The following INPP5B variants were observed in gnomAD, a reference collection of about 807,000 sequenced individuals.
The protein encoded by INPP5B is inositol polyphosphate-5-phosphatase B.
A neutral mutation model predicts 118.5 loss-of-function variants in INPP5B; 90 were observed. The ratio of observed to expected loss-of-function variants is 0.76; its 90% CI spans 0.64 to 0.90. The LOEUF is 0.90. Ranked by LOEUF, INPP5B falls within the 40% of genes least tolerant of loss-of-function variation. INPP5B has a pLI of 0.00. For missense variants in INPP5B, 984 were observed against 1,125.6 expected (o/e 0.87, Z 1.80); for synonymous variants, 385 against 418.9 (o/e 0.92, Z 0.99).
chr1:37,879,366 CTT>C (rs1371426994), intron 15 of INPP5B, among the ~76,000 whole-genome samples: 2 of 151,826 alleles, frequency 1.3e-5, no homozygotes, highest in Non-Finnish European at 2.9e-5. Flanking sequence ...TTGGGGGCCT[CTT>C]TAATTTTTCT....
chr1:37,928,590 G>C (rs1315221337), intron 7 of INPP5B: 2 of 152,280 alleles, frequency 1.3e-5, no homozygotes, highest in African/African-American at 2.4e-5. Flanking sequence ...TTGATCTCCT[G>C]ACCTTGTGAT....
intron 6 of INPP5B, among the ~76,000 whole-genome samples, chr1:37,935,178 G>A (rs1333721931): frequency 1.8e-5 from 2 of 113,828 alleles, no homozygotes; most frequent in Non-Finnish European, 3.5e-5. Flanking sequence ...TCCAGTCCGG[G>A]CGACAGAGCC....
intron 20 of INPP5B, 108 bp from the exon 21 acceptor site, chr1:37,866,651 A>G: frequency 1.4e-6 from 1 of 704,714 alleles, no homozygotes; most frequent in Non-Finnish European, 2.5e-6. Flanking sequence ...CAGTGTGGTG[A>G]GGCCTCTGAA....
chr1:37,864,656 C>T, intron 22 of INPP5B: 1 of 335,436 alleles, frequency 3.0e-6, no homozygotes, highest in Non-Finnish European at 5.5e-6. Flanking sequence ...AGAAATAAGA[C>T]ATTTTAGTTG....
intron 7 of INPP5B, among the ~76,000 whole-genome samples, chr1:37,905,987 C>T (rs1644490217): frequency 6.6e-6 from 1 of 152,166 alleles, no homozygotes; most frequent in Admixed American, 6.5e-5. Flanking sequence ...CCTAATTTCT[C>T]AGAATTTGGA....
At chr1:37,890,491 C>T (rs1643781051) in intron 8 of INPP5B, among the ~76,000 whole-genome samples, 1 of 152,164 alleles carries the variant, frequency 6.6e-6, no homozygotes, top group African/African-American at 2.4e-5. Flanking sequence ...TTGCATTGTA[C>T]TGTATTTATA....
chr1:37,866,699 A>T (rs1459545303), intron 20 of INPP5B, among the ~76,000 whole-genome samples, 156 bp from the exon 21 acceptor site: 2 of 152,174 alleles, frequency 1.3e-5, no homozygotes, highest in Non-Finnish European at 2.9e-5. Context: ...TGATGTGGCG[A>T]ATTCATCTTG....
intron 7 of INPP5B, among the ~76,000 whole-genome samples, chr1:37,911,887 G>C (rs753037798): frequency 2.0e-5 from 3 of 152,220 alleles, no homozygotes; most frequent in Non-Finnish European, 4.4e-5. Flanking sequence ...GGTAGTTAAA[G>C]AAGCAGCTAG....
At position 37,862,093 on chromosome 1, in the gene INPP5B, T is replaced by C. The variant is rs1204529152; in HGVS notation, c.*222A>G. The C allele has an allele frequency of 2.2e-6, 1 of 455,692 alleles. No homozygotes were observed. The allele number at this position is 455,692 out of a possible 1,614,324, so 28.2% of individuals were successfully genotyped here. A position where few individuals can be genotyped will look rare whatever the true frequency, so the allele number is the denominator to read the frequency against. On this transcript the variant is annotated 3_prime_UTR_variant, in exon 24 of 24. Transcript: ENST00000373024. ...GTGTTAAATAACTAAAGTTGAAAAT[T>C]GAATGTCAGTTTTATTATGGTGGAT...
chr1:37,875,964 T>C (rs540579964), intron 16 of INPP5B, among the ~76,000 whole-genome samples: 1 of 152,364 alleles, frequency 6.6e-6, no homozygotes, highest in Admixed American at 6.5e-5. Context: ...AAAGCATGGT[T>C]AGCAGTTAGT....
rs140260835 is a variant in INPP5B, at chr1:37,866,197, G to A, written c.2386+262C>T. On this transcript the variant is annotated intron_variant, in intron 21 of 23. Coordinates refer to ENST00000373024, the MANE Select transcript of INPP5B (RefSeq NM_005540.3). Reference sequence around the variant, plus strand: ...TGCACCTGTGGTCCCAGCTACTCGGGAGGCTGAGGTGGGAGGCTCCACAGG... The same window carrying A: ...TGCACCTGTGGTCCCAGCTACTCGGAAGGCTGAGGTGGGAGGCTCCACAGG... Among the ~76,000 whole-genome samples, 229 of 152,298 alleles carry A rather than the reference G, an allele frequency of 1.5e-3. 2 individuals carry two copies. Among genetic ancestry groups the A allele is most frequent in the African/African-American group, 5.2e-3 (215 of 41,568 alleles).
At chr1:37,896,597 T>C (rs1417787054) in intron 7 of INPP5B, among the ~76,000 whole-genome samples, 1 of 114,838 alleles carries the variant, frequency 8.7e-6, no homozygotes, top group Non-Finnish European at 1.8e-5. Context: ...GGGAAGGAGG[T>C]GGGGGGGTCA....
chr1:37,931,522 C>T, intron 7 of INPP5B: 1 of 1,535,662 alleles, frequency 6.5e-7, no homozygotes, highest in Non-Finnish European at 8.7e-7. Context: ...GAACTTCTGC[C>T]CCAGTGTCCC....
At chr1:37,931,479 C>A in intron 7 of INPP5B, 2 of 1,533,464 alleles carry the variant, frequency 1.3e-6, no homozygotes, top group Non-Finnish European at 1.7e-6. Context: ...CACCCGCCTA[C>A]CCTCGTCACG....
chr1:37,886,016 A>G (rs539800783), intron 12 of INPP5B, among the ~76,000 whole-genome samples, 191 bp from the exon 13 acceptor site: 60 of 152,000 alleles, frequency 3.9e-4, no homozygotes, highest in Non-Finnish European at 6.5e-4. Flanking sequence ...CGTCTCTACT[A>G]AAAATACAAA....
intron 7 of INPP5B, among the ~76,000 whole-genome samples, chr1:37,928,159 C>T (rs1645310278): frequency 6.6e-6 from 1 of 151,998 alleles, no homozygotes. Context: ...TTTCTCCTGC[C>T]GTGAATCAAA....
At chr1:37,910,043 G>A (rs568142615) in intron 7 of INPP5B, among the ~76,000 whole-genome samples, 1 of 152,244 alleles carries the variant, frequency 6.6e-6, no homozygotes, top group Non-Finnish European at 1.5e-5. Flanking sequence ...TCACCCAGCA[G>A]CCACTCCCAG....
chr1:37,896,519 G>C (rs1221776158), intron 7 of INPP5B, among the ~76,000 whole-genome samples: 1 of 146,852 alleles, frequency 6.8e-6, no homozygotes, highest in African/African-American at 2.5e-5. Flanking sequence ...GGCAGGTGAG[G>C]GGCGCCTCTG....
Position 37,880,090 on chromosome 1 carries a change from A to G in INPP5B, c.1536T>C (p.Asp512=). 1 of 1,604,254 alleles carries G rather than the reference A, an allele frequency of 6.2e-7. No individual in the cohort carries two copies. The highest frequency in any genetic ancestry group is 8.5e-7 in the Non-Finnish European group (1 of 1,172,548). ...YKYDTGSDDW[D]TSEKCRAPAW... ...TGAAGCAACCTCTGACCTACCTGGT[A>G]TCCCAGTCGTCAGAGCCCGTATCAT... Residue 512 remains aspartate (D), a synonymous_variant, in exon 15 of 24, where the codon GAT becomes GAC. Coordinates refer to ENST00000373024, the MANE Select transcript of INPP5B (RefSeq NM_005540.3).
Sources: gnomAD v4.1 joint callset for allele counts (sites outside exome capture counted in the v4.1 genomes callset) on GRCh38, gnomAD v4.1.1 for gene constraint, MANE v1.5 for transcripts, NCBI Gene and HGNC (gene_info 2026-07-23, HGNC 2026-07-21) for gene names.